Variants in PREX2 observed in about 807,000 individuals in gnomAD.
PREX2 encodes phosphatidylinositol 3,4,5-trisphosphate-dependent Rac exchanger 2 protein.
A neutral mutation model predicts 203.2 loss-of-function variants in PREX2; 107 were observed. That is an observed-to-expected ratio of 0.53 (90% CI 0.45 to 0.62). The LOEUF (loss-of-function observed/expected upper bound fraction) is 0.62, where lower values mean the gene tolerates loss of function less well. Among genes scored for constraint, PREX2 ranks in the 20% least tolerant of loss-of-function variants. The pLI is 0.00. For missense variants in PREX2, 1,777 were observed against 1,955.9 expected (o/e 0.91, Z 1.72); for synonymous variants, 672 against 663.6 (o/e 1.01, Z -0.19).
At chr8:67,989,352 A>G (rs1307950856) in intron 1 of PREX2, among the ~76,000 whole-genome samples, 5 of 152,172 alleles carry the variant, frequency 3.3e-5, no homozygotes, top group Non-Finnish European at 7.3e-5. Context: ...ATGTATTTTT[A>G]AAACTTCTAA....
chr8:68,030,693 T>TAG (rs767389846), intron 6 of PREX2, 35 bp downstream of exon 6: 23 of 1,604,822 alleles, frequency 1.4e-5, no homozygotes, highest in Non-Finnish European at 2.0e-5. Flanking sequence ...GAGCTTAAGA[T>TAG]AGTTTTATGT....
At chr8:68,123,300 T>G (rs2129613168) in intron 30 of PREX2, among the ~76,000 whole-genome samples, 1 of 152,122 alleles carries the variant, frequency 6.6e-6, no homozygotes, top group Non-Finnish European at 1.5e-5. Context: ...GATCTTGATT[T>G]ATAAACCTAA....
chr8:68,127,482 C>T, intron 31 of PREX2, 63 bp downstream of exon 31: 2 of 1,197,342 alleles, frequency 1.7e-6, no homozygotes, highest in South Asian at 2.6e-5. Context: ...ATCATAAAGG[C>T]CTTGAAATTT....
Position 68,217,543 on chromosome 8 carries a change from T to C in PREX2, c.4605-73T>C. On this transcript the variant is annotated intron_variant, in intron 37 of 39. Transcript: ENST00000288368. ...TGGCTGGTGCTTTCTGATTTTGTGATTAGTAATCCACATCATCTCAAAGGG... is the reference window on the plus strand; with the variant it reads ...TGGCTGGTGCTTTCTGATTTTGTGACTAGTAATCCACATCATCTCAAAGGG... 4.7e-6 allele frequency: 5 copies of C among 1,059,076 alleles called. 1 individual carries two copies. The South Asian group carries it at 5.4e-5, about 11-fold the overall frequency. 65.6% of individuals were successfully genotyped at this position (1,059,076 alleles called of 1,614,324 possible). A position where few individuals can be genotyped will look rare whatever the true frequency, so the allele number is the denominator to read the frequency against.
chr8:68,180,069 A>G (rs1385563835), intron 35 of PREX2, among the ~76,000 whole-genome samples: 1 of 151,946 alleles, frequency 6.6e-6, no homozygotes, highest in Non-Finnish European at 1.5e-5. Flanking sequence ...ATTACTATTC[A>G]TATCTGCTGA....
Position 68,236,119 on chromosome 8 carries a change from G to A in PREX2, c.*4741G>A, listed in dbSNP as rs2129615786. ...CAATGTATTGAATGAATGTCTTACT[G>A]TAAGCATCAGAGCTGTCCAACCATG... On this transcript the variant is annotated 3_prime_UTR_variant, in exon 40 of 40. Coordinates refer to ENST00000288368, the MANE Select transcript of PREX2 (RefSeq NM_024870.4). 1 of 152,218 alleles carries A rather than the reference G, an allele frequency of 6.6e-6. No homozygotes were observed. The highest frequency in any genetic ancestry group is 1.5e-5 in the Non-Finnish European group (1 of 68,008). The allele number at this position is 152,218 out of a possible 1,614,324, so 9.4% of individuals were successfully genotyped here.
At chr8:68,162,941 G>C (rs538521775) in intron 35 of PREX2, among the ~76,000 whole-genome samples, 2 of 152,284 alleles carry the variant, frequency 1.3e-5, no homozygotes, top group African/African-American at 4.8e-5. Context: ...AGCAGAGATA[G>C]TATAAACTTG....
rs73683417 is a variant in PREX2, at chr8:68,230,618, G to A, written c.4776-715G>A. Reference sequence around the variant, plus strand: ...GTGGAGCACCAGAACTTGTGTGACTGTAGTTAAACCCCCTGAGTTTTCCTT... The same window carrying A: ...GTGGAGCACCAGAACTTGTGTGACTATAGTTAAACCCCCTGAGTTTTCCTT... On this transcript the variant is annotated intron_variant, in intron 39 of 39. Transcript: ENST00000288368. Among the ~76,000 whole-genome samples, 31 of 152,144 alleles carry A rather than the reference G, an allele frequency of 2.0e-4. No individual in the cohort carries two copies. In the East Asian group the frequency reaches 5.6e-3, roughly 28 times the overall value.
At chr8:68,151,753 T>C (rs1585830568) in intron 34 of PREX2, among the ~76,000 whole-genome samples, 1 of 151,752 alleles carries the variant, frequency 6.6e-6, no homozygotes, top group African/African-American at 2.4e-5. Context: ...CAGCATGCTC[T>C]TGAGTATTCT....
intron 34 of PREX2, among the ~76,000 whole-genome samples, chr8:68,154,232 T>A (rs1865428): frequency 0.45 from 67,739 of 152,186 alleles, 15,292 homozygotes; most frequent in African/African-American, 0.52. Context: ...TCAGTATCTC[T>A]TTGGAATTAA....
At chr8:68,097,590 GC>G (rs377387687) in intron 22 of PREX2, among the ~76,000 whole-genome samples, 177 of 152,360 alleles carry the variant, frequency 1.2e-3, no homozygotes, top group African/African-American at 4.1e-3. Flanking sequence ...ATTCCAAAGT[GC>G]TGGGATTGCA....
intron 30 of PREX2, among the ~76,000 whole-genome samples, chr8:68,124,197 G>A (rs972135135): frequency 3.9e-5 from 6 of 151,980 alleles, no homozygotes; most frequent in East Asian, 1.9e-4. Context: ...ACGTATGTTC[G>A]TTGCAGGACT....
At chr8:68,088,289 G>A (rs1033855986) in intron 19 of PREX2, among the ~76,000 whole-genome samples, 1 of 151,986 alleles carries the variant, frequency 6.6e-6, no homozygotes, top group African/African-American at 2.4e-5. Flanking sequence ...AAAAAGTTAT[G>A]TTTACACTTA....
chr8:68,216,275 G>A (rs1450267802), intron 37 of PREX2, among the ~76,000 whole-genome samples: 2 of 152,128 alleles, frequency 1.3e-5, no homozygotes, highest in Non-Finnish European at 2.9e-5. Context: ...CAGCCACATA[G>A]CTAATGAGTT....
intron 23 of PREX2, among the ~76,000 whole-genome samples, chr8:68,107,129 A>G (rs1356487127): frequency 6.6e-6 from 1 of 152,192 alleles, no homozygotes; most frequent in African/African-American, 2.4e-5. Flanking sequence ...GGAACTTAGC[A>G]GTAGTCAGGG....
chr8:68,093,862 G>A (rs1017032153), intron 21 of PREX2, 140 bp downstream of exon 21: 5 of 475,492 alleles, frequency 1.1e-5, no homozygotes, highest in Middle Eastern at 5.4e-4. Flanking sequence ...TCTGTCAAAT[G>A]CATAAGTAAT....
chr8:68,009,180 T>C (rs1002600499), intron 1 of PREX2, among the ~76,000 whole-genome samples: 1 of 152,194 alleles, frequency 6.6e-6, no homozygotes, highest in African/African-American at 2.4e-5. Flanking sequence ...TACGTTTCCT[T>C]CTACACTGCT....
chr8:68,060,875 T>G, intron 11 of PREX2, 96 bp downstream of exon 11: 1 of 783,590 alleles, frequency 1.3e-6, no homozygotes, highest in Non-Finnish European at 2.0e-6. Context: ...CCCCACATTA[T>G]AGGATGCTTG....
intron 35 of PREX2, among the ~76,000 whole-genome samples, chr8:68,170,883 T>G (rs1436766852): frequency 1.3e-5 from 2 of 152,188 alleles, no homozygotes; most frequent in Non-Finnish European, 2.9e-5. Flanking sequence ...TAATGTATTC[T>G]GCTTATTGGC....
Sources: allele counts gnomAD v4.1 joint callset (sites outside exome capture counted in the v4.1 genomes callset), GRCh38; gene constraint gnomAD v4.1.1; transcripts MANE v1.5; gene names NCBI Gene and HGNC (gene_info 2026-07-23, HGNC 2026-07-21).